ARHGAP10: variants seen among roughly 807,000 people sequenced by gnomAD.
The protein encoded by ARHGAP10 is rho GTPase-activating protein 10.
Under a neutral mutation model 108.6 loss-of-function variants are expected in ARHGAP10, and 87 were observed. That is an observed-to-expected ratio of 0.80 (90% CI 0.67 to 0.96). ARHGAP10 has a LOEUF of 0.96. Ranked by LOEUF, ARHGAP10 falls within the 40% of genes least tolerant of loss-of-function variation. ARHGAP10 has a pLI of 0.00. For missense variants in ARHGAP10, 939 were observed against 954.5 expected (o/e 0.98, Z 0.21); for synonymous variants, 347 against 341.1 (o/e 1.02, Z -0.19).
intron 20 of ARHGAP10, among the ~76,000 whole-genome samples, chr4:148,059,691 T>C (rs1328537731): frequency 6.6e-6 from 1 of 152,066 alleles, no homozygotes; most frequent in African/African-American, 2.4e-5. Flanking sequence ...GATGATACTG[T>C]CAAGAACTGT....
chr4:147,796,973 G>A (rs1226579141), intron 1 of ARHGAP10, among the ~76,000 whole-genome samples: 1 of 152,154 alleles, frequency 6.6e-6, no homozygotes, highest in Admixed American at 6.5e-5. Flanking sequence ...ATTGTAGGAT[G>A]TAGTTTTCCT....
At chr4:147,757,413 C>G (rs1367705223) in intron 1 of ARHGAP10, among the ~76,000 whole-genome samples, 1 of 152,108 alleles carries the variant, frequency 6.6e-6, no homozygotes, top group Non-Finnish European at 1.5e-5. Context: ...CCAGGCTGGT[C>G]TTGAACTCCT....
At chr4:147,792,824 C>T (rs1731169872) in intron 1 of ARHGAP10, among the ~76,000 whole-genome samples, 1 of 152,002 alleles carries the variant, frequency 6.6e-6, no homozygotes, top group Non-Finnish European at 1.5e-5. Context: ...TGTAGGAGTC[C>T]TGGGGAATGT....
At chr4:148,029,707 TAAC>T (rs760335789) in intron 19 of ARHGAP10, among the ~76,000 whole-genome samples, 1 of 152,186 alleles carries the variant, frequency 6.6e-6, no homozygotes, top group Admixed American at 6.5e-5. Flanking sequence ...CTCTGGATAA[TAAC>T]TTCCCAAGCC....
At chr4:147,885,948 C>T (rs1735533571) in intron 10 of ARHGAP10, among the ~76,000 whole-genome samples, 1 of 152,210 alleles carries the variant, frequency 6.6e-6, no homozygotes, top group Non-Finnish European at 1.5e-5. Flanking sequence ...AATTTTTTAG[C>T]ACTGGCATAA....
chr4:147,804,988 T>A (rs1050556055), intron 1 of ARHGAP10, among the ~76,000 whole-genome samples: 1 of 152,212 alleles, frequency 6.6e-6, no homozygotes, highest in Non-Finnish European at 1.5e-5. Context: ...TTAGGTCCCA[T>A]TTGTCAATTT....
At chr4:147,772,727 AT>A (rs1394746058) in intron 1 of ARHGAP10, among the ~76,000 whole-genome samples, 1 of 152,228 alleles carries the variant, frequency 6.6e-6, no homozygotes, top group African/African-American at 2.4e-5. Context: ...TACAAATGTT[AT>A]TACAGAGTTT....
rs927397195 is a variant in ARHGAP10, at chr4:148,055,620, G to A, written c.2028-7528G>A. Reference sequence around the variant, plus strand: ...CGAGAATTGCTTGAACCTGGAAGGCGGAGGTTGCAATGAGCCAAGATTGCG... The same window carrying A: ...CGAGAATTGCTTGAACCTGGAAGGCAGAGGTTGCAATGAGCCAAGATTGCG... On this transcript the variant is annotated intron_variant, in intron 20 of 22. Coordinates refer to ENST00000336498, the MANE Select transcript of ARHGAP10 (RefSeq NM_024605.4). Among the ~76,000 whole-genome samples, 7 of 152,158 alleles carry A rather than the reference G, an allele frequency of 4.6e-5. 1 individual carries two copies. Among genetic ancestry groups the A allele is most frequent in the South Asian group, 4.1e-4 (2 of 4,822 alleles).
At chr4:147,868,384 A>G (rs371710945) in intron 7 of ARHGAP10, among the ~76,000 whole-genome samples, 4 of 151,932 alleles carry the variant, frequency 2.6e-5, no homozygotes, top group Non-Finnish European at 5.9e-5. Context: ...CTGCAGGTGC[A>G]TGCCAGCACA....
chr4:147,961,329 T>A (rs1173488393), intron 16 of ARHGAP10, among the ~76,000 whole-genome samples: 1 of 152,252 alleles, frequency 6.6e-6, no homozygotes, highest in Non-Finnish European at 1.5e-5. Context: ...TTTTGGTCAC[T>A]GGAATAAATA....
At chr4:147,871,958 C>G (rs1445083956) in intron 7 of ARHGAP10, among the ~76,000 whole-genome samples, 1 of 151,928 alleles carries the variant, frequency 6.6e-6, no homozygotes, top group Non-Finnish European at 1.5e-5. Flanking sequence ...GAAAAATTAG[C>G]TGGAGGTGGT....
chr4:147,752,803 A>G (rs535795995), intron 1 of ARHGAP10, among the ~76,000 whole-genome samples: 2 of 152,378 alleles, frequency 1.3e-5, no homozygotes, highest in South Asian at 4.1e-4. Flanking sequence ...CCGGGATTAC[A>G]GGCGTGAGCT....
intron 1 of ARHGAP10, among the ~76,000 whole-genome samples, chr4:147,752,716 G>A (rs1011365262): frequency 2.0e-5 from 3 of 152,056 alleles, no homozygotes; most frequent in African/African-American, 7.2e-5. Context: ...TAGTAGAGAC[G>A]GAGTTTTGCC....
intron 7 of ARHGAP10, among the ~76,000 whole-genome samples, chr4:147,870,361 G>A (rs1174610628): frequency 2.6e-5 from 4 of 151,954 alleles, no homozygotes; most frequent in Non-Finnish European, 5.9e-5. Context: ...GCGCCCGGCC[G>A]CATATATGTA....
chr4:147,899,308 GGTGTGTGTGTGTGTGCATGCGTGTGT>G (rs1560816559), intron 10 of ARHGAP10, among the ~76,000 whole-genome samples: 1 of 150,796 alleles, frequency 6.6e-6, no homozygotes. Context: ...AAGCAGCTGG[GGTGTGTGTGTGTGTGCATGCGTGTGT>G]GTGTGTGTGT....
chr4:147,983,837 A>G (rs959977884), intron 18 of ARHGAP10, among the ~76,000 whole-genome samples: 1 of 152,168 alleles, frequency 6.6e-6, no homozygotes, highest in African/African-American at 2.4e-5. Flanking sequence ...CTGGGGAGTT[A>G]GTGGGATCCT....
intron 18 of ARHGAP10, among the ~76,000 whole-genome samples, chr4:148,022,532 G>GT (rs1741607234): frequency 6.6e-6 from 1 of 152,212 alleles, no homozygotes; most frequent in South Asian, 2.1e-4. Flanking sequence ...AGTCACCTCT[G>GT]TGTGATATGC....
intron 20 of ARHGAP10, among the ~76,000 whole-genome samples, chr4:148,054,270 A>G (rs1230044446): frequency 6.6e-6 from 1 of 152,210 alleles, no homozygotes; most frequent in African/African-American, 2.4e-5. Flanking sequence ...TTTTCTTACA[A>G]CCTTGAAGAT....
intron 5 of ARHGAP10, chr4:147,858,518 A>G (rs1419024276): frequency 1.3e-5 from 2 of 152,226 alleles, no homozygotes; most frequent in Non-Finnish European, 2.9e-5. Context: ...TTTGTTTGAC[A>G]TTATCCACAT....
Sources: allele counts gnomAD v4.1 joint callset (sites outside exome capture counted in the v4.1 genomes callset), GRCh38; gene constraint gnomAD v4.1.1; transcripts MANE v1.5; gene names NCBI Gene and HGNC (gene_info 2026-07-23, HGNC 2026-07-21).